WNK1: variants seen among roughly 807,000 people sequenced by gnomAD.
WNK1 encodes the protein serine/threonine-protein kinase WNK1.
Under a neutral mutation model 222.8 loss-of-function variants are expected in WNK1, and 38 were observed. That is an observed-to-expected ratio of 0.17 (90% confidence interval 0.13 to 0.22). The LOEUF (loss-of-function observed/expected upper bound fraction) is 0.22, where lower values mean the gene tolerates loss of function less well. Among genes scored for constraint, WNK1 ranks in the 10% least tolerant of loss-of-function variants. The pLI is 1.00. For missense variants in WNK1, 2,348 were observed against 2,918.4 expected (o/e 0.80, Z 4.50); for synonymous variants, 1,090 against 1,092.9 (o/e 1.00, Z 0.05).
intron 4 of WNK1, among the ~76,000 whole-genome samples, chr12:831,102 G>A (rs150796075): frequency 6.6e-6 from 1 of 152,280 alleles, no homozygotes. Flanking sequence ...CCTTAAAATG[G>A]TTGGGGTAGG....
chr12:753,703 T>C lies in WNK1; in HGVS notation c.138T>C (p.Ala46=), dbSNP rs1238704041. The C allele has an allele frequency of 1.2e-6, 2 of 1,612,112 alleles. No homozygotes were observed. Among genetic ancestry groups the C allele is most frequent in the South Asian group, 2.2e-5 (2 of 91,072 alleles). Residue 46 remains alanine (A), a synonymous_variant, in exon 1 of 28, where the codon GCT becomes GCC. Transcript: ENST00000315939. This position sits in a 1 kb window ranked among gnomAD's most constrained non-coding sequence, Gnocchi z 5.2. ...GEKLGAAAAD[A]VTGRTEEYRR... ...AACTGGGAGCCGCGGCCGCCGACGCTGTGACCGGCAGGACCGAGGAGTACA... is the reference window on the plus strand; with the variant it reads ...AACTGGGAGCCGCGGCCGCCGACGCCGTGACCGGCAGGACCGAGGAGTACA...
At chr12:769,308 C>G (rs910465432) in intron 1 of WNK1, among the ~76,000 whole-genome samples, 3 of 151,790 alleles carry the variant, frequency 2.0e-5, no homozygotes, top group African/African-American at 4.8e-5. Flanking sequence ...AAGTGATTCT[C>G]ATGCCTCAGC....
rs771546472 is a variant in WNK1, at chr12:879,653, C to G, written c.2454C>G (p.Val818=). The change falls in exon 11 of 28, where the codon GTC becomes GTG. Residue 818 remains valine, a synonymous_variant. Coordinates refer to ENST00000315939, the MANE Select transcript of WNK1 (RefSeq NM_018979.4). ...PVATQPSVVP[V]HSGAHFLPVG... ...CGACACAACCCTCGGTTGTTCCAGT[C>G]CACTCTGGTGCTCATTTCCTTCCAG... 1.4e-5 allele frequency: 22 copies of G among 1,613,664 alleles called. No individual in the cohort carries two copies. In the South Asian group the frequency reaches 2.4e-4, roughly 18 times the overall value.
At chr12:781,155 A>G (rs1425486532) in intron 1 of WNK1, 1 of 155,816 alleles carries the variant, frequency 6.4e-6, no homozygotes, top group Non-Finnish European at 1.4e-5. Context: ...TTGGGGTTGC[A>G]CTACTGTCCA....
In WNK1 at chr12:756,802, A is replaced by G. The variant is rs543271267; in HGVS notation, c.759+2478A>G. ...GGAAAGATAGAAACTTTTTCGCTAA[A>G]TCTATCCTTTTAATATACATATATT... On this transcript the variant is annotated intron_variant, in intron 1 of 27. Transcript: ENST00000315939. 1.8e-4 allele frequency among the ~76,000 whole-genome samples: 27 copies of G among 152,320 alleles called. 1 individual carries two copies. Among genetic ancestry groups the G allele is most frequent in the African/African-American group, 6.5e-4 (27 of 41,566 alleles).
chr12:867,847 C>T, intron 8 of WNK1: 2 of 1,612,832 alleles, frequency 1.2e-6, no homozygotes, highest in Non-Finnish European at 1.7e-6. Flanking sequence ...AATTACTTGT[C>T]TTATTCATGT....
chr12:776,412 T>TTGTGTG (rs59148357), intron 1 of WNK1, among the ~76,000 whole-genome samples: 3,262 of 146,174 alleles, frequency 0.022, 43 homozygotes, highest in South Asian at 0.038. Context: ...GTTTGTGTGT[T>TTGTGTG]TGTGTGTGTG....
At chr12:863,910 T>C (rs1951410725) in intron 8 of WNK1, among the ~76,000 whole-genome samples, 1 of 152,076 alleles carries the variant, frequency 6.6e-6, no homozygotes, top group Admixed American at 6.6e-5. Flanking sequence ...AATCATATGA[T>C]GATATGTAAA....
intron 22 of WNK1, among the ~76,000 whole-genome samples, chr12:891,896 C>G (rs1275190866): frequency 1.3e-5 from 2 of 151,450 alleles, no homozygotes; most frequent in African/African-American, 2.4e-5. Context: ...CCACTGCACT[C>G]CATCCTAGGT....
chr12:888,619 G>A (rs1363140541), intron 20 of WNK1, among the ~76,000 whole-genome samples: 1 of 152,202 alleles, frequency 6.6e-6, no homozygotes, highest in Non-Finnish European at 1.5e-5. Flanking sequence ...GGAATACCCA[G>A]ACCTCCTTGC....
At chr12:851,637 C>T in intron 4 of WNK1, 1 of 1,289,358 alleles carries the variant, frequency 7.8e-7, no homozygotes, top group South Asian at 1.2e-5. Context: ...TGATGTACAT[C>T]AGAGACATTT....
intron 4 of WNK1, among the ~76,000 whole-genome samples, chr12:855,071 T>C (rs1045274454): frequency 1.3e-5 from 2 of 152,250 alleles, no homozygotes; most frequent in African/African-American, 2.4e-5. Flanking sequence ...GAATTTTTAG[T>C]GTGTGGCATT....
At chr12:906,522 A>G (rs1955713043) in intron 26 of WNK1, 4 of 985,180 alleles carry the variant, frequency 4.1e-6, no homozygotes, top group African/African-American at 1.7e-5. Flanking sequence ...CCTTGAGCCA[A>G]TTGAAACTGA....
intron 1 of WNK1, among the ~76,000 whole-genome samples, chr12:787,297 T>C (rs1176343300): frequency 6.6e-6 from 1 of 152,186 alleles, no homozygotes; most frequent in Non-Finnish European, 1.5e-5. Flanking sequence ...CCATTTCTTT[T>C]TTGGTTAAAG....
intron 26 of WNK1, chr12:901,159 C>A: frequency 8.6e-6 from 2 of 233,802 alleles, no homozygotes; most frequent in Non-Finnish European, 1.7e-5. Context: ...AAAAAATTCC[C>A]ACAGAGGAAA....
chr12:807,180 T>C (rs1946439651), intron 1 of WNK1, among the ~76,000 whole-genome samples: 1 of 151,938 alleles, frequency 6.6e-6, no homozygotes, highest in Non-Finnish European at 1.5e-5. Flanking sequence ...TAACAAGAGC[T>C]GGGTGTGGTG....
At chr12:831,427 A>G (rs1948783711) in intron 4 of WNK1, among the ~76,000 whole-genome samples, 1 of 151,858 alleles carries the variant, frequency 6.6e-6, no homozygotes, top group South Asian at 2.1e-4. Context: ...AATCCTAGCT[A>G]CTTTGGAGGC....
intron 8 of WNK1, among the ~76,000 whole-genome samples, chr12:867,374 T>G (rs1054470191): frequency 2.0e-5 from 3 of 152,160 alleles, no homozygotes; most frequent in Admixed American, 6.6e-5. Context: ...AAAATAAAAC[T>G]GAAGGCCTCT....
At chr12:775,202 A>G (rs1160117203) in intron 1 of WNK1, among the ~76,000 whole-genome samples, 2 of 152,206 alleles carry the variant, frequency 1.3e-5, no homozygotes, top group African/African-American at 4.8e-5. Context: ...CTCCTTATCA[A>G]TGTTTAAAAT....
Sources: gnomAD v4.1 joint callset for allele counts (sites outside exome capture counted in the v4.1 genomes callset) on GRCh38, gnomAD v4.1.1 for gene constraint, Gnocchi (gnomAD v3.1) non-coding constraint, MANE v1.5 for transcripts, NCBI Gene and HGNC (gene_info 2026-07-23, HGNC 2026-07-21) for gene names.